The following ZNF674 variants were observed in gnomAD, a reference collection of about 807,000 sequenced individuals.
The protein encoded by ZNF674 is zinc finger family member 674.
In ZNF674, 2 loss-of-function variants were observed where a neutral mutation model predicts 7.0. The ratio of observed to expected loss-of-function variants is 0.29; its 90% CI spans 0.12 to 0.90. The LOEUF (loss-of-function observed/expected upper bound fraction) is 0.90, where lower values mean the gene tolerates loss of function less well. Among genes scored for constraint, ZNF674 ranks in the 40% least tolerant of loss-of-function variants. The probability of loss-of-function intolerance (pLI) is 0.57; values close to 1 mark genes in which losing one functional copy is unlikely to be tolerated. For missense variants in ZNF674, 297 were observed against 415.5 expected (o/e 0.71, Z 2.48); for synonymous variants, 103 against 145.2 (o/e 0.71, Z 2.09).
At chrX:46,518,719 C>CA (rs376915363) in intron 5 of ZNF674, among the ~76,000 whole-genome samples, 113 of 75,681 alleles carry the variant, frequency 1.5e-3, no homozygotes, top group East Asian at 2.1e-3. Flanking sequence ...ACTAAAAATA[C>CA]AAAAAAAAAA....
At chrX:46,525,827 A>G (rs968290296) in intron 5 of ZNF674, among the ~76,000 whole-genome samples, 2 of 111,914 alleles carry the variant, frequency 1.8e-5, no homozygotes, top group Admixed American at 9.6e-5. Context: ...ACAAAAATCA[A>G]TGGCATTTCT....
At chrX:46,502,417 A>T (rs755735287) in intron 5 of ZNF674, among the ~76,000 whole-genome samples, 3 of 111,699 alleles carry the variant, frequency 2.7e-5, no homozygotes, top group Non-Finnish European at 3.8e-5. Context: ...TGTAGATAAT[A>T]GAACAATCTG....
chrX:46,536,228 G>A (rs369496711), intron 3 of ZNF674, among the ~76,000 whole-genome samples: 5 of 111,458 alleles, frequency 4.5e-5, no homozygotes, highest in Admixed American at 3.9e-4. Flanking sequence ...GGGAGGCCAA[G>A]GCAGGTGGAT....
In ZNF674 at chrX:46,542,105, A is replaced by G. The variant is rs1942304822; in HGVS notation, c.-18T>C. ...ATGGCCATCTTGTTGTGCTCCTGCA[A>G]AGGATGGAGATCTACAAATACAGAA... is the stretch of plus-strand genomic sequence containing the variant. On this transcript the variant is annotated 5_prime_UTR_variant, in exon 3 of 6. Coordinates refer to ENST00000683375, the MANE Select transcript of ZNF674 (RefSeq NM_001190417.2). 8.4e-7 allele frequency: 1 copy of G among 1,183,454 alleles called. No homozygotes were observed. Among genetic ancestry groups the G allele is most frequent in the South Asian group, 1.8e-5 (1 of 54,391 alleles).
At chrX:46,540,572 CT>C (rs1257648204) in intron 3 of ZNF674, among the ~76,000 whole-genome samples, 1 of 111,353 alleles carries the variant, frequency 9.0e-6, no homozygotes, top group African/African-American at 3.3e-5. Context: ...CTTTAATAGC[CT>C]GGAAAAATGG....
intron 3 of ZNF674, among the ~76,000 whole-genome samples, chrX:46,536,637 G>A (rs1186931867): frequency 9.3e-6 from 1 of 107,242 alleles, no homozygotes; most frequent in South Asian, 4.2e-4. Context: ...TGTGCCTGTA[G>A]TCCCAGCTAC....
At chrX:46,533,207 C>T (rs1345427540) in intron 3 of ZNF674, among the ~76,000 whole-genome samples, 3 of 111,293 alleles carry the variant, frequency 2.7e-5, no homozygotes, top group Non-Finnish European at 3.8e-5. Context: ...GCATTTCTGA[C>T]GACCAGTGGC....
intron 5 of ZNF674, among the ~76,000 whole-genome samples, chrX:46,519,263 TAAAGATAGATGATA>T (rs1569476421): frequency 0.012 from 655 of 56,612 alleles, 7 homozygotes; most frequent in Middle Eastern, 0.037. Context: ...GATAGATAGA[TAAAGATAGATGATA>T]GATAGATAGA....
intron 5 of ZNF674, among the ~76,000 whole-genome samples, chrX:46,504,578 T>C (rs1007987903): frequency 9.0e-6 from 1 of 110,960 alleles, no homozygotes; most frequent in Non-Finnish European, 1.9e-5. Flanking sequence ...CCTGACCTCA[T>C]GCGATCCACC....
In ZNF674 at chrX:46,525,610, C is replaced by A. The variant is rs747871026; in HGVS notation, c.238+2740G>T. Reference sequence around the variant, plus strand: ...AGCCTGGGCAACAAAAGCGAAACTCCTTCTCAAAAAAAAAAAAGAGGGCAA... The same window carrying A: ...AGCCTGGGCAACAAAAGCGAAACTCATTCTCAAAAAAAAAAAAGAGGGCAA... On this transcript the variant is annotated intron_variant, in intron 5 of 5. Coordinates refer to ENST00000683375, the MANE Select transcript of ZNF674 (RefSeq NM_001190417.2). Among the ~76,000 whole-genome samples, 25 of 106,154 alleles carry A rather than the reference C, an allele frequency of 2.4e-4. 1 individual carries two copies. The highest frequency in any genetic ancestry group is 9.6e-5 in the Non-Finnish European group (5 of 52,055). 92.2% of individuals were successfully genotyped at this position (106,154 alleles called of 115,157 possible).
rs1258258856 is a variant in ZNF674, at chrX:46,545,418, T to A, written c.-188A>T. The A allele has an allele frequency of 8.9e-6, 1 of 112,840 alleles. No individual in the cohort carries two copies. The allele number at this position is 112,840 out of a possible 1,213,427, so 9.3% of individuals were successfully genotyped here. A position where few individuals can be genotyped will look rare whatever the true frequency, so the allele number is the denominator to read the frequency against. ...CTCAGGGGCGGATGACAACAGCCAG[T>A]GTGAACGAAGCGCCACCCTCCGGGT... On this transcript the variant is annotated 5_prime_UTR_variant, in exon 1 of 6. Transcript: ENST00000683375.
rs1941832382 is a variant in ZNF674, at chrX:46,519,175, C to CT, written c.238+9174_238+9175insA. Among the ~76,000 whole-genome samples the CT allele has an allele frequency of 8.3e-5, 9 of 108,199 alleles. No homozygotes were observed. The South Asian group carries it at 3.2e-3, about 39-fold the overall frequency. 94.0% of individuals were successfully genotyped at this position (108,199 alleles called of 115,157 possible). On this transcript the variant is annotated intron_variant, in intron 5 of 5. Coordinates refer to ENST00000683375, the MANE Select transcript of ZNF674 (RefSeq NM_001190417.2). ...CCAAGATTGCACCACTGCACTCCAG[C>CT]CTGGGCAACAGAGCGAGACACCATC...
rs199720850 is a variant in ZNF674 at position 46,507,000 on chromosome X, C to CA, written c.239-5666dup. Among the ~76,000 whole-genome samples the CA allele has an allele frequency of 6.4e-4, 71 of 111,149 alleles. 2 individuals carry two copies. In the East Asian group the frequency reaches 0.02, roughly 31 times the overall value. The stretch of plus-strand genomic sequence containing the variant: ...AACCCTTGATATCTCCAGAAGCGCT[C>CA]AGAGTCACTCTAGACAACTGGTGAT... On this transcript the variant is annotated intron_variant, in intron 5 of 5. Transcript: ENST00000683375.
At chrX:46,511,268 A>G (rs980548344) in intron 5 of ZNF674, among the ~76,000 whole-genome samples, 3 of 112,175 alleles carry the variant, frequency 2.7e-5, no homozygotes, top group African/African-American at 9.7e-5. Flanking sequence ...AGAAGACCGA[A>G]GAGAATTAAA....
chrX:46,500,401 T>C lies in ZNF674; in HGVS notation c.1173A>G (p.Gly391=). 8.3e-7 allele frequency: 1 copy of C among 1,210,252 alleles called. No individual in the cohort carries two copies. Among genetic ancestry groups the C allele is most frequent in the Non-Finnish European group, 1.1e-6 (1 of 894,134 alleles). ...ECSKCGKSFR[G]KSHLSVHQRI... ...TCTGATGAACAGAGAGGTGTGACTT[T>C]CCTCTGAAGCTTTTCCCACATTTAC... Residue 391 remains glycine, a synonymous_variant, in exon 6 of 6, where the codon GGA becomes GGG. Transcript: ENST00000683375.
At chrX:46,515,269 T>C (rs1569474302) in intron 5 of ZNF674, among the ~76,000 whole-genome samples, 1 of 107,938 alleles carries the variant, frequency 9.3e-6, no homozygotes, top group Non-Finnish European at 1.9e-5. Context: ...CTCGGGAGGC[T>C]GAGACACGAG....
At chrX:46,504,157 G>A (rs1201977268) in intron 5 of ZNF674, among the ~76,000 whole-genome samples, 1 of 111,520 alleles carries the variant, frequency 9.0e-6, no homozygotes, top group Non-Finnish European at 1.9e-5. Flanking sequence ...ATTTTAACAT[G>A]TACAAGAATG....
chrX:46,506,438 C>A (rs1309008271), intron 5 of ZNF674, among the ~76,000 whole-genome samples: 1 of 110,503 alleles, frequency 9.0e-6, no homozygotes, highest in African/African-American at 3.3e-5. Flanking sequence ...AAAACTATCC[C>A]TGTGGGGATT....
intron 3 of ZNF674, among the ~76,000 whole-genome samples, chrX:46,537,008 C>T (rs980924952): frequency 8.9e-6 from 1 of 111,850 alleles, no homozygotes; most frequent in Non-Finnish European, 1.9e-5. Flanking sequence ...TGGTGGCTCA[C>T]GCCTGTAATC....
Sources: allele counts gnomAD v4.1 joint callset (sites outside exome capture counted in the v4.1 genomes callset), GRCh38; gene constraint gnomAD v4.1.1; transcripts MANE v1.5; gene names NCBI Gene and HGNC (gene_info 2026-07-23, HGNC 2026-07-21).